ARHGAP44: variants seen among roughly 807,000 people sequenced by gnomAD.
ARHGAP44 encodes Rho GTPase activating protein 44.
In ARHGAP44, 43 loss-of-function variants were observed where a neutral mutation model predicts 106.8. That is an observed-to-expected ratio of 0.40 (90% CI 0.32 to 0.52). The LOEUF is 0.52. ARHGAP44 is among the 20% of genes least tolerant of loss of function. ARHGAP44 has a pLI of 0.48. For synonymous variants in ARHGAP44, 439 were observed against 410.3 expected (o/e 1.07, Z -0.85); for missense variants, 866 against 1,050.5 (o/e 0.82, Z 2.43).
intron 10 of ARHGAP44, among the ~76,000 whole-genome samples, chr17:12,946,417 G>T (rs981407342): frequency 4.6e-5 from 7 of 151,722 alleles, no homozygotes; most frequent in Non-Finnish European, 8.8e-5. Context: ...AGGCTGAGGT[G>T]GGAGGATCGC....
chr17:12,904,394 C>T (rs6502211), intron 3 of ARHGAP44, among the ~76,000 whole-genome samples: 22,756 of 152,166 alleles, frequency 0.15, 2,685 homozygotes, highest in East Asian at 0.34. Context: ...GCGTGAGCCA[C>T]GGTGCCCGGC....
intron 1 of ARHGAP44, among the ~76,000 whole-genome samples, chr17:12,830,906 G>C (rs1027796193): frequency 1.3e-5 from 2 of 152,266 alleles, no homozygotes; most frequent in Middle Eastern, 3.4e-3. Flanking sequence ...GTTGTTTAAA[G>C]GGACATTATC....
intron 1 of ARHGAP44, among the ~76,000 whole-genome samples, chr17:12,872,191 A>G (rs1265297482): frequency 6.6e-6 from 1 of 152,094 alleles, no homozygotes; most frequent in Non-Finnish European, 1.5e-5. Context: ...TTTGCCTGCA[A>G]TTTTATGGAC....
intron 6 of ARHGAP44, among the ~76,000 whole-genome samples, chr17:12,925,083 C>G (rs1022471538): frequency 2.0e-5 from 3 of 152,104 alleles, no homozygotes. Flanking sequence ...GTCTCTCACC[C>G]CTCCCCATAC....
chr17:12,873,260 G>T (rs1403668953), intron 1 of ARHGAP44, among the ~76,000 whole-genome samples: 1 of 152,044 alleles, frequency 6.6e-6, no homozygotes, highest in East Asian at 1.9e-4. Flanking sequence ...TGGCTGCTTT[G>T]CCATTTCAGA....
At chr17:12,895,179 A>G (rs1042047855) in intron 2 of ARHGAP44, among the ~76,000 whole-genome samples, 200 bp downstream of exon 2, 14 of 137,730 alleles carry the variant, frequency 1.0e-4, no homozygotes, top group African/African-American at 3.4e-4. Context: ...CAAAAAAACC[A>G]AAAAACTAAG....
chr17:12,896,411 A>G lies in ARHGAP44; in HGVS notation c.98A>G (p.Glu33Gly). Residue 33 changes from glutamate (E) to glycine (G), a missense_variant, in exon 3 of 21, where the codon GAG becomes GGG. Transcript: ENST00000379672. ...CACCCGCTCTTCTCTCTGCAGGTGG[A>G]GAAGCGTCTGGAGCTGGTGAAACAG... Reference protein sequence around the residue: ...EVLSEDLLQVEKRLELVKQVS... With the variant: ...EVLSEDLLQVGKRLELVKQVS... The G allele has an allele frequency of 6.3e-7, 1 of 1,597,448 alleles. No homozygotes were observed. Among genetic ancestry groups the G allele is most frequent in the Non-Finnish European group, 8.5e-7 (1 of 1,172,478 alleles).
chr17:12,872,219 CATG>C (rs1230573243), intron 1 of ARHGAP44, among the ~76,000 whole-genome samples: 1 of 152,156 alleles, frequency 6.6e-6, no homozygotes, highest in African/African-American at 2.4e-5. Context: ...TTTTTCCTGT[CATG>C]AGAATCATAT....
intron 1 of ARHGAP44, among the ~76,000 whole-genome samples, chr17:12,886,759 T>C (rs1012976784): frequency 6.6e-6 from 1 of 152,164 alleles, no homozygotes; most frequent in African/African-American, 2.4e-5. Flanking sequence ...TTTGTCCCTC[T>C]TATATCTACA....
At chr17:12,871,981 C>T (rs965482061) in intron 1 of ARHGAP44, among the ~76,000 whole-genome samples, 1 of 152,136 alleles carries the variant, frequency 6.6e-6, no homozygotes, top group African/African-American at 2.4e-5. Flanking sequence ...TCAGGTATTT[C>T]TTTATAGCCA....
At chr17:12,911,247 G>A (rs10521202) in intron 4 of ARHGAP44, among the ~76,000 whole-genome samples, 70,510 of 151,916 alleles carry the variant, frequency 0.46, 18,154 homozygotes, top group Non-Finnish European at 0.57. Flanking sequence ...ACAGAGTAAC[G>A]TTGGAAATAA....
At position 12,789,710 on chromosome 17, in the gene ARHGAP44, G is replaced by C; in HGVS notation, c.-129G>C. On this transcript the variant is annotated 5_prime_UTR_variant, in exon 1 of 21. Transcript: ENST00000379672. The stretch of plus-strand genomic sequence containing the variant: ...GGGAGCTGCGCGCGGGCCAGACGGC[G>C]CCCGGAGGCTCCGCAGTGCCGCCGC... The C allele has an allele frequency of 1.3e-6, 1 of 782,722 alleles. No individual in the cohort carries two copies. The allele number at this position is 782,722 out of a possible 1,614,324, so 48.5% of individuals were successfully genotyped here.
At chr17:12,799,446 A>T (rs1454418733) in intron 1 of ARHGAP44, among the ~76,000 whole-genome samples, 1 of 152,212 alleles carries the variant, frequency 6.6e-6, no homozygotes, top group Non-Finnish European at 1.5e-5. Context: ...TGTGGTTTTC[A>T]GTCAGTGCTA....
chr17:12,894,239 AGAGT>A lies in ARHGAP44; in HGVS notation c.54-699_54-696del, dbSNP rs768826423. Among the ~76,000 whole-genome samples the A allele has an allele frequency of 2.8e-4, 41 of 146,476 alleles. No individual in the cohort carries two copies. In the South Asian group the frequency reaches 4.7e-3, roughly 17 times the overall value. On this transcript the variant is annotated intron_variant, in intron 1 of 20. Coordinates refer to ENST00000379672, the MANE Select transcript of ARHGAP44 (RefSeq NM_014859.6). ...GTGTGTGTGTGTGTGAGAGAGAGAG[AGAGT>A]GTGTGTGTGTGTGTGTGCACGTGCG...
intron 7 of ARHGAP44, among the ~76,000 whole-genome samples, chr17:12,939,584 G>A (rs1396066877): frequency 6.6e-6 from 1 of 152,176 alleles, no homozygotes; most frequent in African/African-American, 2.4e-5. Flanking sequence ...TCCTGCTTCA[G>A]CCTCCAGAGT....
chr17:12,847,632 G>T (rs996840616), intron 1 of ARHGAP44, among the ~76,000 whole-genome samples: 2 of 150,434 alleles, frequency 1.3e-5, no homozygotes, highest in East Asian at 4.0e-4. Context: ...TCCTGCCTCA[G>T]CCTCCCCAGT....
At position 12,894,929 on chromosome 17, in the gene ARHGAP44, G is replaced by T; in HGVS notation, c.54-11G>T. 1 of 1,580,286 alleles carries T rather than the reference G, an allele frequency of 6.3e-7. No individual in the cohort carries two copies. On this transcript the variant is annotated splice_polypyrimidine_tract_variant and intron_variant, in intron 1 of 20. Transcript: ENST00000379672. ...TTTTGTTACTGATATGTTTCTCAAT[G>T]TTCTTTTTAGGGCTGAAAAGACAGA...
In ARHGAP44 at chr17:12,949,763, G is replaced by A. The variant is rs1407404470; in HGVS notation, c.1055+33G>A. ...CCCCTTGTTTTGGAATGTCCTGTGAGTTACAGTTTATTTGGGAGTATGTGC... is the reference window on the plus strand; with the variant it reads ...CCCCTTGTTTTGGAATGTCCTGTGAATTACAGTTTATTTGGGAGTATGTGC... On this transcript the variant is annotated intron_variant, in intron 12 of 20. Coordinates refer to ENST00000379672, the MANE Select transcript of ARHGAP44 (RefSeq NM_014859.6). This position sits in a 1 kb window ranked among gnomAD's most constrained non-coding sequence, Gnocchi z 4.1. The A allele has an allele frequency of 5.7e-6, 9 of 1,584,980 alleles. No homozygotes were observed. The highest frequency in any genetic ancestry group is 1.7e-5 in the Admixed American group (1 of 59,056).
intron 20 of ARHGAP44, chr17:12,985,139 GC>G (rs763826715): frequency 5.7e-6 from 3 of 524,034 alleles, no homozygotes; most frequent in Non-Finnish European, 9.8e-6. Flanking sequence ...CTCGGTCTAA[GC>G]CCACCAGCCT....
Sources: allele counts gnomAD v4.1 joint callset (sites outside exome capture counted in the v4.1 genomes callset), GRCh38; gene constraint gnomAD v4.1.1; non-coding constraint Gnocchi (gnomAD v3.1); transcripts MANE v1.5; gene names NCBI Gene and HGNC (gene_info 2026-07-23, HGNC 2026-07-21).